PEX5L: variants seen among roughly 807,000 people sequenced by gnomAD.
PEX5L encodes the protein PEX5-related protein.
PEX5L carries 30 observed loss-of-function variants against 84.0 expected under a neutral mutation model. The observed-to-expected ratio is 0.36, with a 90% CI of 0.27 to 0.48. The LOEUF (loss-of-function observed/expected upper bound fraction) is 0.48, where lower values mean the gene tolerates loss of function less well. PEX5L is among the 20% of genes least tolerant of loss of function. The pLI is 0.99. For missense variants in PEX5L, 533 were observed against 754.6 expected, an observed-to-expected ratio of 0.71 and a Z score of 3.44; for synonymous variants, 270 against 283.1, an observed-to-expected ratio of 0.95 and a Z score of 0.46.
intron 1 of PEX5L, chr3:179,973,874 C>G (rs1785379599): frequency 2.0e-6 from 2 of 985,514 alleles, no homozygotes; most frequent in Non-Finnish European, 2.4e-6. Context: ...ACTTAAACCT[C>G]TAGTCTCCAA....
intron 7 of PEX5L, among the ~76,000 whole-genome samples, chr3:179,859,541 A>T (rs564695692): frequency 5.2e-4 from 79 of 152,344 alleles, no homozygotes; most frequent in African/African-American, 1.8e-3. Flanking sequence ...TTAGAAATTG[A>T]TATTCAAGCT....
intron 1 of PEX5L, chr3:179,974,285 G>C (rs1217678561): frequency 4.4e-6 from 3 of 681,978 alleles, no homozygotes; most frequent in Admixed American, 6.3e-5. Flanking sequence ...TCTGTGGGAG[G>C]AGAAGCCACA....
chr3:179,816,043 T>G, intron 9 of PEX5L, 39 bp from the exon 10 acceptor site: 1 of 1,598,138 alleles, frequency 6.3e-7, no homozygotes, highest in Non-Finnish European at 8.6e-7. Context: ...AGCCATTGAT[T>G]TCTCTTCTCA....
At chr3:179,825,494 C>T (rs115895598) in intron 8 of PEX5L, among the ~76,000 whole-genome samples, 285 of 152,082 alleles carry the variant, frequency 1.9e-3, no homozygotes, top group South Asian at 4.2e-3. Context: ...CTGAGCCAAA[C>T]GGGAAGGCTC....
At chr3:179,819,573 G>C (rs1424024302) in intron 9 of PEX5L, among the ~76,000 whole-genome samples, 1 of 152,138 alleles carries the variant, frequency 6.6e-6, no homozygotes, top group African/African-American at 2.4e-5. Context: ...CTCAGTGTCA[G>C]CTAGTTCAGT....
chr3:179,852,174 G>A (rs1742153694), intron 8 of PEX5L, among the ~76,000 whole-genome samples: 1 of 152,154 alleles, frequency 6.6e-6, no homozygotes, highest in African/African-American at 2.4e-5. Context: ...CTTTTATGAA[G>A]GTGGAATTAA....
chr3:179,874,984 A>T (rs1015269231), intron 6 of PEX5L, among the ~76,000 whole-genome samples: 5 of 151,746 alleles, frequency 3.3e-5, no homozygotes, highest in African/African-American at 1.2e-4. Flanking sequence ...ATAGTGGATG[A>T]TGGAGCAAAC....
At chr3:179,809,172 A>C (rs1428692347) in intron 12 of PEX5L, among the ~76,000 whole-genome samples, 1 of 150,498 alleles carries the variant, frequency 6.6e-6, no homozygotes, top group East Asian at 2.0e-4. Context: ...TAAAACTTGG[A>C]GCATTGGTAT....
At chr3:179,895,014 C>T (rs1758777813) in intron 3 of PEX5L, among the ~76,000 whole-genome samples, 1 of 151,992 alleles carries the variant, frequency 6.6e-6, no homozygotes, top group African/African-American at 2.4e-5. Flanking sequence ...CCCTTCTATT[C>T]TCAAATTGAA....
intron 1 of PEX5L, among the ~76,000 whole-genome samples, chr3:179,988,067 T>C (rs1787018367): frequency 6.6e-6 from 1 of 152,158 alleles, no homozygotes; most frequent in South Asian, 2.1e-4. Flanking sequence ...TTTCATTTTT[T>C]AGCTATTGGA....
rs113192231 is a variant in PEX5L, at chr3:179,940,930, T to C, written c.93+30664A>G. ...AGGAGGGGAAGAGTCTTGAGCTACC[T>C]CTTTTTCCCCAAATCATTTAATGAG... On this transcript the variant is annotated intron_variant, in intron 2 of 14. Transcript: ENST00000467460. Among the ~76,000 whole-genome samples, 401 of 152,376 alleles carry C rather than the reference T, an allele frequency of 2.6e-3. 7 individuals carry two copies. Among genetic ancestry groups the C allele is most frequent in the African/African-American group, 9.4e-3 (390 of 41,582 alleles).
At chr3:180,001,768 T>C (rs945644165) in intron 1 of PEX5L, among the ~76,000 whole-genome samples, 2 of 152,198 alleles carry the variant, frequency 1.3e-5, no homozygotes, top group Non-Finnish European at 1.5e-5. Context: ...TTTTATAGTT[T>C]AGTCTTTTCT....
chr3:180,011,613 A>G (rs1312724215), intron 1 of PEX5L, among the ~76,000 whole-genome samples: 1 of 152,208 alleles, frequency 6.6e-6, no homozygotes, highest in Non-Finnish European at 1.5e-5. Context: ...GGTCTTTGTG[A>G]TAATTTGCTT....
At chr3:179,951,749 T>C (rs1479473574) in intron 2 of PEX5L, among the ~76,000 whole-genome samples, 2 of 152,300 alleles carry the variant, frequency 1.3e-5, no homozygotes, top group South Asian at 2.1e-4. Flanking sequence ...ACTTTGTTTA[T>C]ATATGAATTT....
intron 1 of PEX5L, among the ~76,000 whole-genome samples, chr3:180,019,981 T>C (rs1234704047): frequency 6.6e-6 from 1 of 152,184 alleles, no homozygotes; most frequent in African/African-American, 2.4e-5. Context: ...AATGTACACT[T>C]CAATTTTCAA....
intron 1 of PEX5L, among the ~76,000 whole-genome samples, chr3:180,030,865 A>C (rs935301867): frequency 1.3e-5 from 2 of 151,642 alleles, no homozygotes; most frequent in Admixed American, 1.3e-4. Flanking sequence ...TGAAATTCTA[A>C]CTATTTCACT....
intron 1 of PEX5L, among the ~76,000 whole-genome samples, chr3:180,035,312 C>T (rs1791807018): frequency 6.6e-6 from 1 of 152,012 alleles, no homozygotes; most frequent in Non-Finnish European, 1.5e-5. Context: ...ATTGGTGTAG[C>T]TTTTATAAGA....
intron 3 of PEX5L, among the ~76,000 whole-genome samples, chr3:179,890,478 G>A (rs1430651302): frequency 6.6e-6 from 1 of 152,160 alleles, no homozygotes; most frequent in African/African-American, 2.4e-5. Flanking sequence ...TATGGACAAT[G>A]TCATAACTAT....
intron 1 of PEX5L, among the ~76,000 whole-genome samples, chr3:179,980,781 C>A (rs184395239): frequency 6.6e-6 from 1 of 152,098 alleles, no homozygotes; most frequent in African/African-American, 2.4e-5. Context: ...GTGGCTCACA[C>A]CTGTAATCCC....
Sources: allele counts gnomAD v4.1 joint callset (sites outside exome capture counted in the v4.1 genomes callset), GRCh38; gene constraint gnomAD v4.1.1; transcripts MANE v1.5; gene names NCBI Gene and HGNC (gene_info 2026-07-23, HGNC 2026-07-21).